Variants in B3GALT1 observed in about 807,000 individuals in gnomAD.
B3GALT1 encodes the protein UDP-Gal:betaGlcNAc beta 1,3-galactosyltransferase, polypeptide 1.
B3GALT1 carries 10 observed loss-of-function variants against 23.2 expected under a neutral mutation model. The ratio of observed to expected loss-of-function variants is 0.43; its 90% CI spans 0.27 to 0.73. B3GALT1 has a LOEUF of 0.73. B3GALT1 is among the 30% of genes least tolerant of loss of function. The pLI is 0.21. For missense variants in B3GALT1, 299 were observed against 405.4 expected, an observed-to-expected ratio of 0.74 and a Z score of 2.25; for synonymous variants, 156 against 141.5, an observed-to-expected ratio of 1.10 and a Z score of -0.73.
At chr2:167,454,551 G>A (rs1360823977) in intron 1 of B3GALT1, among the ~76,000 whole-genome samples, 1 of 152,162 alleles carries the variant, frequency 6.6e-6, no homozygotes, top group Non-Finnish European at 1.5e-5. Context: ...TAGCAGGAGA[G>A]ACGTGGTTCA....
chr2:167,301,956 G>A (rs529095282), intron 1 of B3GALT1, among the ~76,000 whole-genome samples: 1 of 152,160 alleles, frequency 6.6e-6, no homozygotes, highest in East Asian at 1.9e-4. Context: ...GGTGTATCAA[G>A]ATACTTAAAA....
At chr2:167,765,625 T>C (rs569053336) in intron 3 of B3GALT1, among the ~76,000 whole-genome samples, 1 of 152,340 alleles carries the variant, frequency 6.6e-6, no homozygotes, top group South Asian at 2.1e-4. Context: ...CTGTAATTAA[T>C]GAATGAATTA....
chr2:167,559,153 A>G (rs1212742749), intron 2 of B3GALT1, among the ~76,000 whole-genome samples: 1 of 152,200 alleles, frequency 6.6e-6, no homozygotes. Flanking sequence ...GCGGTTCATG[A>G]AAATCCACTG....
chr2:167,743,494 G>A (rs1050154285), intron 3 of B3GALT1, among the ~76,000 whole-genome samples: 3 of 151,806 alleles, frequency 2.0e-5, no homozygotes, highest in Admixed American at 2.0e-4. Flanking sequence ...ATATATTTGT[G>A]TGCTATTATT....
At chr2:167,489,483 G>T (rs890433641) in intron 1 of B3GALT1, among the ~76,000 whole-genome samples, 1 of 152,154 alleles carries the variant, frequency 6.6e-6, no homozygotes, top group Non-Finnish European at 1.5e-5. Flanking sequence ...TGTAGAAAAT[G>T]GCTTCATTGA....
At chr2:167,838,483 G>T (rs1022640518) in intron 4 of B3GALT1, among the ~76,000 whole-genome samples, 4 of 152,408 alleles carry the variant, frequency 2.6e-5, no homozygotes, top group African/African-American at 9.6e-5. Flanking sequence ...CCAGGAAGAA[G>T]TTGAATCTCT....
Position 167,323,276 on chromosome 2 carries a change from GAT to G in B3GALT1, c.-511+29946_-511+29947del, listed in dbSNP as rs1574032375. On this transcript the variant is annotated intron_variant, in intron 1 of 4. Transcript: ENST00000392690. The stretch of plus-strand genomic sequence containing the variant: ...TATATACGATGTGGCATGCATATTG[GAT>G]ATACGAAAAATTCATTTTAGGTGAT... 1.3e-5 allele frequency among the ~76,000 whole-genome samples: 2 copies of G among 151,958 alleles called. 1 individual carries two copies. The highest frequency in any genetic ancestry group is 3.9e-4 in the East Asian group (2 of 5,192).
intron 3 of B3GALT1, among the ~76,000 whole-genome samples, chr2:167,744,458 C>T (rs1358372516): frequency 6.6e-6 from 1 of 152,042 alleles, no homozygotes; most frequent in East Asian, 1.9e-4. Flanking sequence ...TTGTAGTGTC[C>T]ATTCCTATTC....
chr2:167,811,620 C>T (rs1688890762), intron 3 of B3GALT1, among the ~76,000 whole-genome samples: 1 of 151,790 alleles, frequency 6.6e-6, no homozygotes, highest in Non-Finnish European at 1.5e-5. Flanking sequence ...TCATTGATCT[C>T]ATTGATGTTT....
rs141847975 is a variant in B3GALT1 at position 167,297,045 on chromosome 2, A to G, written c.-511+3711A>G. On this transcript the variant is annotated intron_variant, in intron 1 of 4. Transcript: ENST00000392690. ...TGAAGCTATGTATGAGAACAATAAC[A>G]CTGCGTAATATGTGAGGGTTAAAGG... Among the ~76,000 whole-genome samples the G allele has an allele frequency of 1.8e-3, 279 of 152,260 alleles. 3 individuals are homozygous for G. The highest frequency in any genetic ancestry group is 6.5e-3 in the African/African-American group (272 of 41,584).
chr2:167,562,664 T>A (rs113371016), intron 2 of B3GALT1, among the ~76,000 whole-genome samples: 6 of 151,756 alleles, frequency 4.0e-5, no homozygotes, highest in Admixed American at 6.5e-5. Context: ...TTTTTTTTTT[T>A]TTAATTGATC....
intron 1 of B3GALT1, among the ~76,000 whole-genome samples, chr2:167,433,590 G>C (rs550206394): frequency 6.6e-6 from 1 of 152,216 alleles, no homozygotes; most frequent in Admixed American, 6.5e-5. Flanking sequence ...AGTTATGGAA[G>C]AAATTTCAAA....
At chr2:167,795,283 T>C (rs1010402734) in intron 3 of B3GALT1, among the ~76,000 whole-genome samples, 1 of 152,224 alleles carries the variant, frequency 6.6e-6, no homozygotes, top group Non-Finnish European at 1.5e-5. Flanking sequence ...TAATTTCATA[T>C]TATTTTCTCC....
chr2:167,807,020 A>G (rs555878313), intron 3 of B3GALT1, among the ~76,000 whole-genome samples: 1 of 152,232 alleles, frequency 6.6e-6, no homozygotes, highest in Non-Finnish European at 1.5e-5. Flanking sequence ...CAGAGATTCA[A>G]CTTCTTCCTG....
intron 3 of B3GALT1, among the ~76,000 whole-genome samples, chr2:167,748,196 TG>T (rs1188251813): frequency 6.7e-6 from 1 of 150,346 alleles, no homozygotes; most frequent in Non-Finnish European, 1.5e-5. Context: ...ATGTGGGGAG[TG>T]TTAAACAATG....
intron 2 of B3GALT1, among the ~76,000 whole-genome samples, chr2:167,503,471 A>AT (rs1699876165): frequency 6.6e-6 from 1 of 152,208 alleles, no homozygotes; most frequent in African/African-American, 2.4e-5. Flanking sequence ...TAACTGATGT[A>AT]TTTTATGAAA....
intron 2 of B3GALT1, among the ~76,000 whole-genome samples, chr2:167,564,345 G>C (rs550206497): frequency 6.6e-6 from 1 of 150,508 alleles, no homozygotes; most frequent in Non-Finnish European, 1.5e-5. Context: ...TAGATGGGAC[G>C]GCGGCCGGGC....
chr2:167,695,853 C>T (rs1900834), intron 3 of B3GALT1, among the ~76,000 whole-genome samples: 15,881 of 152,134 alleles, frequency 0.1, 1,073 homozygotes, highest in Middle Eastern at 0.21. Context: ...TCATGACCTA[C>T]GATGGCTACC....
chr2:167,399,637 A>G (rs1698155532), intron 1 of B3GALT1, among the ~76,000 whole-genome samples: 1 of 151,204 alleles, frequency 6.6e-6, no homozygotes, highest in African/African-American at 2.4e-5. Flanking sequence ...TATTCTTCAC[A>G]TTTTTCATTT....
Sources: allele counts gnomAD v4.1 joint callset (sites outside exome capture counted in the v4.1 genomes callset), GRCh38; gene constraint gnomAD v4.1.1; transcripts MANE v1.5; gene names NCBI Gene and HGNC (gene_info 2026-07-23, HGNC 2026-07-21).